CACNA1B: variants seen among roughly 807,000 people sequenced by gnomAD.
CACNA1B encodes voltage-dependent N-type calcium channel subunit alpha-1B.
CACNA1B carries 70 observed loss-of-function variants against 247.2 expected under a neutral mutation model. That is an observed-to-expected ratio of 0.28 (90% CI 0.23 to 0.35). The LOEUF is 0.35. Among genes scored for constraint, CACNA1B ranks in the 10% least tolerant of loss-of-function variants. The pLI, the probability that CACNA1B is intolerant of heterozygous loss-of-function variation, is 1.00. For synonymous variants in CACNA1B, 1,231 were observed against 1,294.4 expected (o/e 0.95, Z 1.05); for missense variants, 2,367 against 3,197.4 (o/e 0.74, Z 6.26).
intron 37 of CACNA1B, among the ~76,000 whole-genome samples, chr9:138,097,608 C>T (rs1280086554): frequency 6.6e-6 from 1 of 152,158 alleles, no homozygotes; most frequent in Non-Finnish European, 1.5e-5. Context: ...TCAGTGAGTG[C>T]GTAGACATCC....
Position 138,023,575 on chromosome 9 carries a change from C to T in CACNA1B, c.2832C>T (p.Ser944=), listed in dbSNP as rs1420799845. 6 of 1,086,034 alleles carry T rather than the reference C, an allele frequency of 5.5e-6. No individual in the cohort carries two copies. Among genetic ancestry groups the T allele is most frequent in the Non-Finnish European group, 6.7e-6 (6 of 890,284 alleles). 67.3% of individuals were successfully genotyped at this position (1,086,034 alleles called of 1,614,324 possible). A position where few individuals can be genotyped will look rare whatever the true frequency, so the allele number is the denominator to read the frequency against. The part of the protein sequence containing the change: ...RHRAHRHQDP[S]KECAGAKGER... ...GCGCGCACCGGCACCAGGATCCGAG[C>T]AAGGAGTGCGCCGGCGCCAAGGGCG... The change falls in exon 19 of 47, where the codon AGC becomes AGT. Residue 944 remains serine, a synonymous_variant. Transcript: ENST00000371372.
At chr9:137,906,096 G>A (rs904224771) in intron 3 of CACNA1B, among the ~76,000 whole-genome samples, 2 of 152,324 alleles carry the variant, frequency 1.3e-5, no homozygotes, top group African/African-American at 2.4e-5. Flanking sequence ...CCACTGGAGC[G>A]GATTTTGTGT....
intron 15 of CACNA1B, among the ~76,000 whole-genome samples, chr9:137,995,931 A>G (rs1958494874): frequency 6.6e-6 from 1 of 152,210 alleles, no homozygotes; most frequent in Non-Finnish European, 1.5e-5. Context: ...CATCACTGTC[A>G]GGGGAATGCA....
At chr9:138,101,009 G>T in intron 37 of CACNA1B, 1 of 452,996 alleles carries the variant, frequency 2.2e-6, no homozygotes, top group African/African-American at 2.0e-5. Context: ...CGCCACGCCT[G>T]CGCGAGGTCG....
At chr9:138,031,232 A>G (rs557815066) in intron 20 of CACNA1B, among the ~76,000 whole-genome samples, 4 of 151,718 alleles carry the variant, frequency 2.6e-5, no homozygotes, top group African/African-American at 9.7e-5. Context: ...CATATTGTAT[A>G]TTTTTTCAGT....
At chr9:137,942,639 A>G (rs774846990) in intron 6 of CACNA1B, among the ~76,000 whole-genome samples, 1 of 152,218 alleles carries the variant, frequency 6.6e-6, no homozygotes, top group African/African-American at 2.4e-5. Flanking sequence ...CTACTCAGCC[A>G]TAAAATGGAA....
chr9:138,118,681 C>A lies in CACNA1B; in HGVS notation c.5943C>A (p.Thr1981=). 1 of 1,563,512 alleles carries A rather than the reference C, an allele frequency of 6.4e-7. No individual in the cohort carries two copies. Among genetic ancestry groups the A allele is most frequent in the Non-Finnish European group, 8.7e-7 (1 of 1,152,296 alleles). The change falls in exon 44 of 47, where the codon ACC becomes ACA. Residue 1981 remains threonine, a synonymous_variant. Coordinates refer to ENST00000371372, the MANE Select transcript of CACNA1B (RefSeq NM_000718.4). ...TGGACGTTCAGATGCAGAGCATAACCCGGAGGGGCCCTGATGGGGAGCCCC... is the reference window on the plus strand; with the variant it reads ...TGGACGTTCAGATGCAGAGCATAACACGGAGGGGCCCTGATGGGGAGCCCC... ...LAVDVQMQSI[T]RRGPDGEPQP...
chr9:137,996,276 C>T (rs1297807919), intron 15 of CACNA1B, among the ~76,000 whole-genome samples: 4 of 152,138 alleles, frequency 2.6e-5, no homozygotes, highest in South Asian at 2.1e-4. Context: ...TATTGGTCAA[C>T]GAGTGGATGA....
At chr9:137,945,612 CTT>C (rs1031711325) in intron 6 of CACNA1B, among the ~76,000 whole-genome samples, 5 of 152,360 alleles carry the variant, frequency 3.3e-5, no homozygotes, top group Non-Finnish European at 7.3e-5. Context: ...CACAGAATCT[CTT>C]TTACAATTAA....
intron 6 of CACNA1B, among the ~76,000 whole-genome samples, chr9:137,920,777 C>T (rs1478607633): frequency 6.6e-6 from 1 of 152,184 alleles, no homozygotes; most frequent in Non-Finnish European, 1.5e-5. Context: ...TTGATGCTAG[C>T]ACAAACAGGC....
At position 138,122,638 on chromosome 9, in the gene CACNA1B, T is replaced by C. The variant is rs1962141253; in HGVS notation, c.*639T>C. ...TTCTATATACGTGATGTAGAAAAAA[T>C]GGAAAACCAGAAAAATGGGGAAGGA... On this transcript the variant is annotated 3_prime_UTR_variant, in exon 47 of 47. Transcript: ENST00000371372. 2 of 152,206 alleles carry C rather than the reference T, an allele frequency of 1.3e-5. No individual in the cohort carries two copies. Among genetic ancestry groups the C allele is most frequent in the Admixed American group, 1.3e-4 (2 of 15,282 alleles). The allele number at this position is 152,206 out of a possible 1,614,324, so 9.4% of individuals were successfully genotyped here. A position where few individuals can be genotyped will look rare whatever the true frequency, so the allele number is the denominator to read the frequency against.
At chr9:138,047,659 C>G (rs1350466744) in intron 23 of CACNA1B, among the ~76,000 whole-genome samples, 2 of 152,190 alleles carry the variant, frequency 1.3e-5, no homozygotes, top group Non-Finnish European at 2.9e-5. Context: ...AATTACTTCC[C>G]GCGCTGGGAG....
At position 138,102,629 on chromosome 9, in the gene CACNA1B, TC is replaced by T. The variant is rs1961290108; in HGVS notation, c.5223-78del. 1.1e-5 allele frequency: 6 copies of T among 525,740 alleles called. No homozygotes were observed. The highest frequency in any genetic ancestry group is 4.1e-5 in the East Asian group (1 of 24,606). The allele number at this position is 525,740 out of a possible 1,614,324, so 32.6% of individuals were successfully genotyped here. A position where few individuals can be genotyped will look rare whatever the true frequency, so the allele number is the denominator to read the frequency against. On this transcript the variant is annotated intron_variant, in intron 37 of 46. Coordinates refer to ENST00000371372, the MANE Select transcript of CACNA1B (RefSeq NM_000718.4). This position sits in a 1 kb window ranked among gnomAD's most constrained non-coding sequence, Gnocchi z 5.4. The stretch of plus-strand genomic sequence containing the variant: ...TGCTTCCTCCCTGCCCCTACCCCGC[TC>T]CCCTCCCCGCTCCCCTCCTGCTGCC...
intron 12 of CACNA1B, among the ~76,000 whole-genome samples, chr9:137,978,540 T>C (rs1293159394): frequency 1.3e-5 from 2 of 150,276 alleles, no homozygotes; most frequent in Non-Finnish European, 3.0e-5. Context: ...CAGGAAGGAG[T>C]GGGGAGTAGG....
At chr9:137,995,413 A>T (rs992042883) in intron 15 of CACNA1B, among the ~76,000 whole-genome samples, 7 of 152,196 alleles carry the variant, frequency 4.6e-5, no homozygotes, top group African/African-American at 1.7e-4. Context: ...TGACAAAATA[A>T]ACAAAAACAT....
chr9:138,032,476 C>T (rs990875090), intron 20 of CACNA1B, among the ~76,000 whole-genome samples: 1 of 151,978 alleles, frequency 6.6e-6, no homozygotes, highest in Admixed American at 6.6e-5. Flanking sequence ...GTTATTCTTT[C>T]GTCCTTCCTG....
rs540853917 is a variant in CACNA1B, at chr9:138,010,821, A to G, written c.2160+744A>G. Among the ~76,000 whole-genome samples, 1 of 151,932 alleles carries G rather than the reference A, an allele frequency of 6.6e-6. No individual in the cohort carries two copies. Among genetic ancestry groups the G allele is most frequent in the South Asian group, 2.1e-4 (1 of 4,800 alleles). ...TCTAGGGGTCTGACACAGTTCTGTC[A>G]CTCCAGTCCAGTGTCTCTCCATGCC... On this transcript the variant is annotated intron_variant, in intron 17 of 46. Coordinates refer to ENST00000371372, the MANE Select transcript of CACNA1B (RefSeq NM_000718.4). This position sits in a 1 kb window ranked among gnomAD's most constrained non-coding sequence, Gnocchi z 5.3.
intron 12 of CACNA1B, 76 bp downstream of exon 12, chr9:137,976,095 T>G: frequency 2.3e-6 from 2 of 881,916 alleles, no homozygotes; most frequent in African/African-American, 3.3e-5. Flanking sequence ...CCATAGGCCA[T>G]GCCCAGTGTG....
At position 138,011,733 on chromosome 9, in the gene CACNA1B, G is replaced by C. The variant is rs1273411680; in HGVS notation, c.2161-1396G>C. 6.6e-6 allele frequency among the ~76,000 whole-genome samples: 1 copy of C among 152,190 alleles called. No homozygotes were observed. Among genetic ancestry groups the C allele is most frequent in the East Asian group, 1.9e-4 (1 of 5,188 alleles). On this transcript the variant is annotated intron_variant, in intron 17 of 46. Transcript: ENST00000371372. The surrounding 1 kb of genome is among the most constrained non-coding windows in gnomAD (Gnocchi z 4.2). The stretch of plus-strand genomic sequence containing the variant: ...CTGGGTCTGGCTTTGCCTCCTCTCT[G>C]GGCTTGAAGTTCGAAGGTCTCTCCT...
Sources: allele counts gnomAD v4.1 joint callset (sites outside exome capture counted in the v4.1 genomes callset), GRCh38; gene constraint gnomAD v4.1.1; non-coding constraint Gnocchi (gnomAD v3.1); transcripts MANE v1.5; gene names NCBI Gene and HGNC (gene_info 2026-07-23, HGNC 2026-07-21).